The following PDE4D variants were observed in gnomAD, a reference collection of about 807,000 sequenced individuals.
PDE4D encodes the protein phosphodiesterase 4D.
In PDE4D, 24 loss-of-function variants were observed where a neutral mutation model predicts 87.4. The observed-to-expected ratio is 0.27, with a 90% CI of 0.20 to 0.39. The LOEUF is 0.39. PDE4D is among the 10% of genes least tolerant of loss of function. The pLI, the probability that PDE4D is intolerant of heterozygous loss-of-function variation, is 1.00. For synonymous variants in PDE4D, 384 were observed against 383.2 expected (o/e 1.00, Z -0.02); for missense variants, 714 against 1,041.0 (o/e 0.69, Z 4.32).
chr5:59,611,800 T>C (rs1829040932), intron 1 of PDE4D, among the ~76,000 whole-genome samples: 1 of 152,204 alleles, frequency 6.6e-6, no homozygotes, highest in African/African-American at 2.4e-5. Context: ...CTTATACCTT[T>C]GTAAAACTTC....
chr5:59,575,162 A>G (rs1289882761), intron 1 of PDE4D, among the ~76,000 whole-genome samples: 2 of 152,156 alleles, frequency 1.3e-5, no homozygotes, highest in Admixed American at 6.5e-5. Flanking sequence ...AAGTGAAGAG[A>G]TATTAGGGAG....
At chr5:60,515,674 C>G (rs1188400990) in intron 1 of PDE4D, among the ~76,000 whole-genome samples, 1 of 147,322 alleles carries the variant, frequency 6.8e-6, no homozygotes, top group Non-Finnish European at 1.5e-5. Flanking sequence ...GGCCACAACC[C>G]ATTATGTATG....
At chr5:59,701,166 C>G (rs530025311) in intron 1 of PDE4D, among the ~76,000 whole-genome samples, 1 of 152,068 alleles carries the variant, frequency 6.6e-6, no homozygotes, top group Non-Finnish European at 1.5e-5. Context: ...TTCCTCTCTC[C>G]CTGAAATGCT....
chr5:60,200,060 C>CACTTCACT (rs372689970), intron 1 of PDE4D, among the ~76,000 whole-genome samples: 7 of 151,760 alleles, frequency 4.6e-5, no homozygotes, highest in African/African-American at 1.7e-4. Flanking sequence ...AACCAAAGTC[C>CACTTCACT]ACTTCACTCC....
rs1747662513 is a variant in PDE4D at position 60,469,576 on chromosome 5, G to A, written c.-90+18366C>T. On this transcript the variant is annotated intron_variant, in intron 1 of 16. Coordinates refer to the PDE4D transcript ENST00000502484. Reference sequence around the variant, plus strand: ...TCACAGGTTTGTGGCAACCCTGGTTGAGCAAGTCTATCAGCACCATTTTTC... The same window carrying A: ...TCACAGGTTTGTGGCAACCCTGGTTAAGCAAGTCTATCAGCACCATTTTTC... Among the ~76,000 whole-genome samples, 3 of 152,160 alleles carry A rather than the reference G, an allele frequency of 2.0e-5. No homozygotes were observed. The South Asian group carries it at 6.2e-4, about 31-fold the overall frequency.
At chr5:59,204,976 T>G (rs154224) in intron 2 of PDE4D, among the ~76,000 whole-genome samples, 52,270 of 152,100 alleles carry the variant, frequency 0.34, 9,312 homozygotes, top group South Asian at 0.55. Flanking sequence ...TCTACCAACA[T>G]GCTGAATTTA....
intron 1 of PDE4D, among the ~76,000 whole-genome samples, chr5:59,277,728 C>G (rs1050655398): frequency 6.6e-6 from 1 of 152,104 alleles, no homozygotes. Flanking sequence ...TGTGTTCTAC[C>G]GTCCCCCAGA....
At chr5:60,432,486 G>A (rs1348085794) in intron 1 of PDE4D, among the ~76,000 whole-genome samples, 1 of 152,134 alleles carries the variant, frequency 6.6e-6, no homozygotes, top group Non-Finnish European at 1.5e-5. Context: ...GTCTCGAGAG[G>A]TTGAATGTTT....
chr5:60,194,899 A>T (rs1299570171), intron 1 of PDE4D, among the ~76,000 whole-genome samples: 1 of 151,566 alleles, frequency 6.6e-6, no homozygotes, highest in African/African-American at 2.4e-5. Flanking sequence ...ATAAAGTCCA[A>T]ATAAATCTCC....
intron 1 of PDE4D, among the ~76,000 whole-genome samples, chr5:60,246,121 T>G (rs1382949115): frequency 1.3e-5 from 2 of 151,836 alleles, no homozygotes; most frequent in African/African-American, 4.8e-5. Context: ...TTGTACCTTT[T>G]TTCATTTTCT....
At chr5:59,235,281 CTG>C (rs1474000386) in intron 1 of PDE4D, among the ~76,000 whole-genome samples, 1 of 152,154 alleles carries the variant, frequency 6.6e-6, no homozygotes, top group Admixed American at 6.6e-5. Flanking sequence ...ATAACCTGTC[CTG>C]GGTGAGACAA....
intron 1 of PDE4D, among the ~76,000 whole-genome samples, chr5:59,564,817 C>T (rs1039180876): frequency 2.6e-5 from 4 of 151,938 alleles, no homozygotes; most frequent in South Asian, 2.1e-4. Context: ...ACTTGAGGAG[C>T]GATGTTTGAA....
At chr5:60,273,248 A>G (rs1037728512) in intron 1 of PDE4D, among the ~76,000 whole-genome samples, 5 of 152,140 alleles carry the variant, frequency 3.3e-5, no homozygotes, top group East Asian at 1.9e-4. Flanking sequence ...GTAGTGTCTT[A>G]GCAAATAAAA....
chr5:59,290,304 C>G (rs750822068), intron 1 of PDE4D, among the ~76,000 whole-genome samples: 3 of 151,862 alleles, frequency 2.0e-5, no homozygotes, highest in African/African-American at 7.2e-5. Context: ...TCAACAAAGG[C>G]GCCAAGTATA....
chr5:59,843,955 A>G (rs140718541), intron 1 of PDE4D, among the ~76,000 whole-genome samples: 145 of 152,150 alleles, frequency 9.5e-4, no homozygotes, highest in African/African-American at 3.3e-3. Context: ...CCATAATTTA[A>G]ACACTAGATT....
intron 1 of PDE4D, among the ~76,000 whole-genome samples, chr5:60,427,138 G>GA (rs1397989355): frequency 6.6e-6 from 1 of 152,090 alleles, no homozygotes; most frequent in African/African-American, 2.4e-5. Context: ...GAATGGGCCA[G>GA]AAAAAAATAT....
intron 2 of PDE4D, among the ~76,000 whole-genome samples, chr5:60,128,683 T>TA (rs1406628983): frequency 6.6e-6 from 1 of 152,186 alleles, no homozygotes; most frequent in Non-Finnish European, 1.5e-5. Flanking sequence ...ATTTATCTGT[T>TA]ACAACAGTTA....
intron 1 of PDE4D, among the ~76,000 whole-genome samples, chr5:59,720,814 C>T (rs1344199502): frequency 6.6e-6 from 1 of 152,012 alleles, no homozygotes; most frequent in African/African-American, 2.4e-5. Context: ...GGGGTCAAGG[C>T]CCAGAGTGGC....
intron 1 of PDE4D, among the ~76,000 whole-genome samples, chr5:59,311,360 G>T (rs1190226737): frequency 6.6e-6 from 1 of 151,844 alleles, no homozygotes; most frequent in Non-Finnish European, 1.5e-5. Flanking sequence ...AATTAGCTGG[G>T]CTTGGTGGTA....
Sources: gnomAD v4.1 joint callset for allele counts (sites outside exome capture counted in the v4.1 genomes callset) on GRCh38, gnomAD v4.1.1 for gene constraint, MANE v1.5 for transcripts, NCBI Gene and HGNC (gene_info 2026-07-23, HGNC 2026-07-21) for gene names.